Variants in NDST4 observed in about 807,000 individuals in gnomAD.
The protein encoded by NDST4 is N-heparan sulfate sulfotransferase 4.
Under a neutral mutation model 100.8 loss-of-function variants are expected in NDST4, and 63 were observed. The observed-to-expected ratio is 0.62, with a 90% confidence interval of 0.51 to 0.77. The LOEUF is 0.77. Ranked by LOEUF, NDST4 falls within the 30% of genes least tolerant of loss-of-function variation. The pLI is 0.00. For synonymous variants in NDST4, 377 were observed against 361.8 expected (o/e 1.04, Z -0.48); for missense variants, 943 against 1,018.4 (o/e 0.93, Z 1.01).
rs567567955 is a variant in NDST4, at chr4:115,073,170, G to A, written c.978+2889C>T. ...TTATCAAAAGGACAAAAGATAATAA[G>A]TGTTGGCAGGGATGTGGAGAAGGGG... On this transcript the variant is annotated intron_variant, in intron 2 of 13. Transcript: ENST00000264363. Among the ~76,000 whole-genome samples the A allele has an allele frequency of 3.3e-5, 5 of 152,104 alleles. No individual in the cohort carries two copies. The East Asian group carries it at 9.7e-4, about 29-fold the overall frequency.
intron 7 of NDST4, among the ~76,000 whole-genome samples, chr4:114,859,731 C>T (rs911659914): frequency 6.6e-6 from 1 of 152,200 alleles, no homozygotes; most frequent in Non-Finnish European, 1.5e-5. Flanking sequence ...ACCTGCTTGC[C>T]TCAAGGTGAG....
In NDST4 at chr4:115,098,112, T is replaced by C. The variant is rs188684549; in HGVS notation, c.-247+15332A>G. ...ACCATATACATAATATTACATTTCTTCTTGTCTATCACTCCAATTAAAATG... is the reference window on the plus strand; with the variant it reads ...ACCATATACATAATATTACATTTCTCCTTGTCTATCACTCCAATTAAAATG... On this transcript the variant is annotated intron_variant, in intron 1 of 13. Transcript: ENST00000264363. 6.6e-5 allele frequency among the ~76,000 whole-genome samples: 10 copies of C among 152,282 alleles called. No individual in the cohort carries two copies. In the East Asian group the frequency reaches 1.4e-3, roughly 21 times the overall value.
At chr4:115,067,267 T>C (rs1449995150) in intron 2 of NDST4, among the ~76,000 whole-genome samples, 1 of 152,192 alleles carries the variant, frequency 6.6e-6, no homozygotes, top group Non-Finnish European at 1.5e-5. Flanking sequence ...GGATTCCATT[T>C]ACCACAAACC....
At chr4:114,873,627 A>G (rs1724196526) in intron 6 of NDST4, among the ~76,000 whole-genome samples, 1 of 152,078 alleles carries the variant, frequency 6.6e-6, no homozygotes, top group Non-Finnish European at 1.5e-5. Flanking sequence ...TTTCTGTAAC[A>G]TAGCATGGTA....
intron 7 of NDST4, among the ~76,000 whole-genome samples, chr4:114,854,574 T>C (rs1282222153): frequency 6.6e-6 from 1 of 152,106 alleles, no homozygotes; most frequent in Non-Finnish European, 1.5e-5. Context: ...ATTCAAGCGA[T>C]TCTCCTGCCC....
chr4:114,976,510 A>G (rs1435187346), intron 3 of NDST4, among the ~76,000 whole-genome samples: 2 of 152,070 alleles, frequency 1.3e-5, no homozygotes, highest in Admixed American at 1.3e-4. Context: ...GGGTAAGTAA[A>G]GAAGTAAGGA....
chr4:115,080,466 T>C (rs1729278061), intron 1 of NDST4, among the ~76,000 whole-genome samples: 1 of 152,136 alleles, frequency 6.6e-6, no homozygotes, highest in East Asian at 1.9e-4. Context: ...AATTGTCTGC[T>C]TTGCAAAAGT....
chr4:114,922,742 G>A (rs1162486458), intron 6 of NDST4, among the ~76,000 whole-genome samples: 1 of 152,122 alleles, frequency 6.6e-6, no homozygotes, highest in East Asian at 1.9e-4. Context: ...GATCCATTCC[G>A]TAGTGGTAAC....
In NDST4 at chr4:115,046,093, C is replaced by G. The variant is rs1164721919; in HGVS notation, c.978+29966G>C. Among the ~76,000 whole-genome samples the G allele has an allele frequency of 2.6e-5, 4 of 152,270 alleles. No individual in the cohort carries two copies. In the East Asian group the frequency reaches 5.8e-4, roughly 22 times the overall value. ...GAGCGTTATTGCCCTGGTAGTTACA[C>G]AGATATACCTGCGACTCTCAGACGC... On this transcript the variant is annotated intron_variant, in intron 2 of 13. Coordinates refer to ENST00000264363, the MANE Select transcript of NDST4 (RefSeq NM_022569.3).
chr4:114,940,221 C>T (rs1277104210), intron 4 of NDST4, among the ~76,000 whole-genome samples: 1 of 152,066 alleles, frequency 6.6e-6, no homozygotes, highest in Admixed American at 6.6e-5. Flanking sequence ...AGACATGATA[C>T]CACAAATATT....
intron 6 of NDST4, among the ~76,000 whole-genome samples, chr4:114,901,267 G>A (rs1724832365): frequency 6.6e-6 from 1 of 151,852 alleles, no homozygotes; most frequent in Non-Finnish European, 1.5e-5. Context: ...TTACAATACT[G>A]GATTAATCTA....
At chr4:114,945,323 G>A (rs183802262) in intron 4 of NDST4, among the ~76,000 whole-genome samples, 98 of 150,754 alleles carry the variant, frequency 6.5e-4, no homozygotes, top group Non-Finnish European at 1.1e-3. Context: ...AACTTGAAAA[G>A]TGGATGAAGG....
At chr4:115,011,340 G>C (rs1424702194) in intron 2 of NDST4, among the ~76,000 whole-genome samples, 1 of 151,916 alleles carries the variant, frequency 6.6e-6, no homozygotes, top group Admixed American at 6.6e-5. Flanking sequence ...TCTGAGAAAA[G>C]TCTTATCACT....
chr4:114,996,099 T>A (rs571897295), intron 2 of NDST4, among the ~76,000 whole-genome samples: 200 of 152,210 alleles, frequency 1.3e-3, no homozygotes, highest in African/African-American at 4.6e-3. Flanking sequence ...TGGCTCTGTA[T>A]CCCCACTCAA....
At chr4:114,938,356 T>A (rs1228883154) in intron 4 of NDST4, among the ~76,000 whole-genome samples, 1 of 152,220 alleles carries the variant, frequency 6.6e-6, no homozygotes, top group Non-Finnish European at 1.5e-5. Flanking sequence ...CAGTCAACTC[T>A]AAAAGAAAAC....
At chr4:115,051,768 A>G (rs2126279162) in intron 2 of NDST4, among the ~76,000 whole-genome samples, 1 of 152,242 alleles carries the variant, frequency 6.6e-6, no homozygotes, top group Admixed American at 6.5e-5. Context: ...CCTTTTGGAT[A>G]TATACCCAGT....
At chr4:114,831,143 C>T (rs1014206171) in intron 12 of NDST4, among the ~76,000 whole-genome samples, 1 of 150,626 alleles carries the variant, frequency 6.6e-6, no homozygotes, top group Non-Finnish European at 1.5e-5. Flanking sequence ...AGCTCCGCTT[C>T]CCGGGTTCAC....
intron 6 of NDST4, among the ~76,000 whole-genome samples, chr4:114,895,847 T>G (rs557722164): frequency 2.0e-4 from 31 of 151,720 alleles, no homozygotes; most frequent in Middle Eastern, 3.4e-3. Context: ...TCCACCACGA[T>G]CAAGTTGGCT....
At chr4:115,108,806 T>C (rs1729883077) in intron 1 of NDST4, among the ~76,000 whole-genome samples, 1 of 151,986 alleles carries the variant, frequency 6.6e-6, no homozygotes, top group Non-Finnish European at 1.5e-5. Context: ...ACCCACTCTT[T>C]CTCTTCATTT....
Sources: allele counts gnomAD v4.1 joint callset (sites outside exome capture counted in the v4.1 genomes callset), GRCh38; gene constraint gnomAD v4.1.1; transcripts MANE v1.5; gene names NCBI Gene and HGNC (gene_info 2026-07-23, HGNC 2026-07-21).